GLS: variants seen among roughly 807,000 people sequenced by gnomAD.
GLS encodes the protein glutaminase kidney isoform, mitochondrial.
In GLS, 36 loss-of-function variants were observed where a neutral mutation model predicts 86.7. The observed-to-expected ratio is 0.42, with a 90% confidence interval of 0.32 to 0.55. GLS has a LOEUF of 0.55. Among genes scored for constraint, GLS ranks in the 20% least tolerant of loss-of-function variants. GLS has a pLI of 0.17. For synonymous variants in GLS, 317 were observed against 305.9 expected (o/e 1.04, Z -0.38); for missense variants, 528 against 833.4 (o/e 0.63, Z 4.51).
At chr2:190,881,623 A>G in intron 1 of GLS, 153 bp downstream of exon 1, 1 of 698,780 alleles carries the variant, frequency 1.4e-6, no homozygotes, top group Non-Finnish European at 2.2e-6. Context: ...GCGCCATGTG[A>G]TTAGGCCCGG....
intron 3 of GLS, among the ~76,000 whole-genome samples, chr2:190,899,039 A>G (rs1261735958): frequency 6.6e-6 from 1 of 152,228 alleles, no homozygotes. Flanking sequence ...TTGAAAAATG[A>G]GGAAGTGCAT....
Position 190,915,631 on chromosome 2 carries a change from C to T in GLS, c.1038+5310C>T, listed in dbSNP as rs546596584. ...CAGTTTCAAAATCTGTTTCTAGATG[C>T]GCCTTTTAAAAAATTAATCTGCCTT... On this transcript the variant is annotated intron_variant, in intron 7 of 17. Transcript: ENST00000320717. 3.3e-5 allele frequency among the ~76,000 whole-genome samples: 5 copies of T among 152,192 alleles called. No homozygotes were observed. The South Asian group carries it at 6.2e-4, about 19-fold the overall frequency.
intron 1 of GLS, among the ~76,000 whole-genome samples, chr2:190,886,789 A>G (rs1574557290): frequency 6.6e-6 from 1 of 151,748 alleles, no homozygotes; most frequent in Non-Finnish European, 1.5e-5. Flanking sequence ...GGTGGCGGGC[A>G]CCTGTAATCC....
At position 190,913,825 on chromosome 2, in the gene GLS, A is replaced by G. The variant is rs969979583; in HGVS notation, c.1038+3504A>G. Reference sequence around the variant, plus strand: ...TTTTGTTTTTTGTTTTTTAGAGACAAGGTCTCTCTCTGTTGCCCAGTCTAA... The same window carrying G: ...TTTTGTTTTTTGTTTTTTAGAGACAGGGTCTCTCTCTGTTGCCCAGTCTAA... On this transcript the variant is annotated intron_variant, in intron 7 of 17. Transcript: ENST00000320717. The surrounding 1 kb of genome is among the most constrained non-coding windows in gnomAD (Gnocchi z 6.1). 2 of 698,866 alleles carry G rather than the reference A, an allele frequency of 2.9e-6. No individual in the cohort carries two copies. Among genetic ancestry groups the G allele is most frequent in the Admixed American group, 6.3e-5 (1 of 15,910 alleles). The allele number at this position is 698,866 out of a possible 1,614,324, so 43.3% of individuals were successfully genotyped here.
rs1281865148 is a variant in GLS, at chr2:190,920,943, C to A, written c.1039-81C>A. ...CTAATGCAGTATATTATAATAGTAG[C>A]TTTGAAATTTTGATATTGGCTTGAA... On this transcript the variant is annotated intron_variant, in intron 7 of 17. Transcript: ENST00000320717. This position sits in a 1 kb window ranked among gnomAD's most constrained non-coding sequence, Gnocchi z 4.2. 18 of 733,018 alleles carry A rather than the reference C, an allele frequency of 2.5e-5. No individual in the cohort carries two copies. Among genetic ancestry groups the A allele is most frequent in the Non-Finnish European group, 3.9e-5 (16 of 407,838 alleles). 45.4% of individuals were successfully genotyped at this position (733,018 alleles called of 1,614,324 possible).
chr2:190,884,652 T>C (rs1408863542), intron 1 of GLS, among the ~76,000 whole-genome samples: 4 of 152,178 alleles, frequency 2.6e-5, no homozygotes, highest in Non-Finnish European at 4.4e-5. Context: ...TAAGGGGCAT[T>C]ATTAAGTTTT....
chr2:190,950,610 G>A (rs888219687), intron 14 of GLS, among the ~76,000 whole-genome samples: 10 of 152,066 alleles, frequency 6.6e-5, no homozygotes, highest in African/African-American at 2.2e-4. Flanking sequence ...GCACCACTGG[G>A]TAAAGAAGCT....
chr2:190,935,938 T>C lies in GLS; in HGVS notation c.1650+4301T>C, dbSNP rs1337266531. ...TGTATTGTAGGTCAAATATAGTACT[T>C]TACATTTTTATGTTTAATTAAATCT... On this transcript the variant is annotated intron_variant, in intron 14 of 17. Transcript: ENST00000320717. The surrounding 1 kb of genome is among the most constrained non-coding windows in gnomAD (Gnocchi z 4.2). 6.6e-6 allele frequency among the ~76,000 whole-genome samples: 1 copy of C among 151,176 alleles called. No homozygotes were observed. The highest frequency in any genetic ancestry group is 2.4e-5 in the African/African-American group (1 of 41,382).
chr2:190,927,351 G>T lies in GLS; in HGVS notation c.1294G>T (p.Ala432Ser), dbSNP rs140284772. The T allele has an allele frequency of 1.1e-3, 1,789 of 1,613,624 alleles. 13 individuals carry two copies. In the African/African-American group the frequency reaches 0.016, roughly 14 times the overall value. ...TTGTGAATCAGCCAGTGTGATGGCT[G>T]CGACACTGGCTAATGGTGGTTTCTG... ...VTCESASVMA[A>S]TLANGGFCPI... The change falls in exon 12 of 18, where the codon GCG becomes TCG. Residue 432 changes from alanine (A) to serine (S), a missense_variant. Transcript: ENST00000320717.
chr2:190,925,714 T>G (rs1007523355), intron 11 of GLS, among the ~76,000 whole-genome samples: 1 of 152,164 alleles, frequency 6.6e-6, no homozygotes, highest in Non-Finnish European at 1.5e-5. Context: ...TTGATAGATG[T>G]CCAGGTTGCA....
chr2:190,880,990 C>A lies in GLS; in HGVS notation c.-95C>A. The A allele has an allele frequency of 7.3e-7, 1 of 1,372,584 alleles. No homozygotes were observed. The highest frequency in any genetic ancestry group is 9.9e-7 in the Non-Finnish European group (1 of 1,008,446). 85.0% of individuals were successfully genotyped at this position (1,372,584 alleles called of 1,614,324 possible). ...GCTGCCCTTTCCTCTTCTGTCATCT[C>A]ACCGCCCCACCACAGACCGCGTTCC... On this transcript the variant is annotated 5_prime_UTR_variant, in exon 1 of 18. Coordinates refer to ENST00000320717, the MANE Select transcript of GLS (RefSeq NM_014905.5).
In GLS at chr2:190,905,419, C is replaced by A; in HGVS notation, c.979+252C>A. On this transcript the variant is annotated intron_variant, in intron 6 of 17. Coordinates refer to ENST00000320717, the MANE Select transcript of GLS (RefSeq NM_014905.5). The surrounding 1 kb of genome is among the most constrained non-coding windows in gnomAD (Gnocchi z 4.6). ...CCTTTAGGGAAATATAGCGAAATCT[C>A]AAAATACATGAGATTTGCTTTAAAA... is the stretch of plus-strand genomic sequence containing the variant. 1 of 362,622 alleles carries A rather than the reference C, an allele frequency of 2.8e-6. No individual in the cohort carries two copies. The highest frequency in any genetic ancestry group is 5.0e-6 in the Non-Finnish European group (1 of 199,192). 22.5% of individuals were successfully genotyped at this position (362,622 alleles called of 1,614,324 possible). A position where few individuals can be genotyped will look rare whatever the true frequency, so the allele number is the denominator to read the frequency against.
At chr2:190,959,175 G>C (rs1690936272) in intron 17 of GLS, among the ~76,000 whole-genome samples, 1 of 151,320 alleles carries the variant, frequency 6.6e-6, no homozygotes, top group South Asian at 2.1e-4. Flanking sequence ...ATTATGTAAT[G>C]CCCTTTTCTC....
chr2:190,888,948 A>G (rs764109801), intron 1 of GLS, among the ~76,000 whole-genome samples: 2 of 152,234 alleles, frequency 1.3e-5, no homozygotes, highest in East Asian at 3.8e-4. Flanking sequence ...TCCCTAGTTC[A>G]GTGGCATTAA....
rs1324912241 is a variant in GLS, at chr2:190,913,173, T to C, written c.1038+2852T>C. 6.2e-6 allele frequency: 8 copies of C among 1,296,470 alleles called. No homozygotes were observed. Among genetic ancestry groups the C allele is most frequent in the Non-Finnish European group, 8.1e-6 (8 of 981,850 alleles). The allele number at this position is 1,296,470 out of a possible 1,614,324, so 80.3% of individuals were successfully genotyped here. Reference sequence around the variant, plus strand: ...CTCTTGATTTCATAATTTTGTAGTATTGATATTTTTTCCTTGTAGGATTGG... The same window carrying C: ...CTCTTGATTTCATAATTTTGTAGTACTGATATTTTTTCCTTGTAGGATTGG... On this transcript the variant is annotated intron_variant, in intron 7 of 17. Coordinates refer to ENST00000320717, the MANE Select transcript of GLS (RefSeq NM_014905.5). The surrounding 1 kb of genome is among the most constrained non-coding windows in gnomAD (Gnocchi z 6.1).
intron 1 of GLS, among the ~76,000 whole-genome samples, chr2:190,889,404 G>A (rs1688493980): frequency 6.6e-6 from 1 of 152,146 alleles, no homozygotes; most frequent in African/African-American, 2.4e-5. Context: ...TCACAAGGGA[G>A]TTCACTCCCT....
Position 190,930,071 on chromosome 2 carries a change from T to TG in GLS, c.1426-366_1426-365insG, listed in dbSNP as rs895116351. Among the ~76,000 whole-genome samples the TG allele has an allele frequency of 7.2e-6, 1 of 139,220 alleles. No homozygotes were observed. The highest frequency in any genetic ancestry group is 1.6e-5 in the Non-Finnish European group (1 of 63,864). 91.3% of individuals were successfully genotyped at this position (139,220 alleles called of 152,430 possible). A position where few individuals can be genotyped will look rare whatever the true frequency, so the allele number is the denominator to read the frequency against. ...TTTTTAAACCAATTTCCCAATTGTG[T>TG]TTTTTTTTTTTTTGAAACTGGATCT... On this transcript the variant is annotated intron_variant, in intron 12 of 17. Coordinates refer to ENST00000320717, the MANE Select transcript of GLS (RefSeq NM_014905.5). This position sits in a 1 kb window ranked among gnomAD's most constrained non-coding sequence, Gnocchi z 5.0.
At position 190,962,718 on chromosome 2, in the gene GLS, A is replaced by G. The variant is rs1341163376; in HGVS notation, c.1854-112A>G. The G allele has an allele frequency of 5.3e-6, 3 of 561,018 alleles. No individual in the cohort carries two copies. The highest frequency in any genetic ancestry group is 6.5e-5 in the South Asian group (1 of 15,434). 34.8% of individuals were successfully genotyped at this position (561,018 alleles called of 1,614,324 possible). A position where few individuals can be genotyped will look rare whatever the true frequency, so the allele number is the denominator to read the frequency against. Reference sequence around the variant, plus strand: ...ATTAATTTTTATTTGTAAAATTGCTAAAATAGCTAAATTTGGCCATTTAAC... The same window carrying G: ...ATTAATTTTTATTTGTAAAATTGCTGAAATAGCTAAATTTGGCCATTTAAC... On this transcript the variant is annotated intron_variant, in intron 17 of 17. Coordinates refer to ENST00000320717, the MANE Select transcript of GLS (RefSeq NM_014905.5). The surrounding 1 kb of genome is among the most constrained non-coding windows in gnomAD (Gnocchi z 4.2).
chr2:190,910,115 G>A, intron 6 of GLS, 148 bp from the exon 7 acceptor site: 1 of 533,986 alleles, frequency 1.9e-6, no homozygotes, highest in South Asian at 2.9e-5. Flanking sequence ...CTGTGTATGT[G>A]CTTGTATATA....
Sources: gnomAD v4.1 joint callset for allele counts (sites outside exome capture counted in the v4.1 genomes callset) on GRCh38, gnomAD v4.1.1 for gene constraint, Gnocchi (gnomAD v3.1) non-coding constraint, MANE v1.5 for transcripts, NCBI Gene and HGNC (gene_info 2026-07-23, HGNC 2026-07-21) for gene names.